The following PPEF1 variants were observed in gnomAD, a reference collection of about 807,000 sequenced individuals.
The protein encoded by PPEF1 is serine/threonine-protein phosphatase with EF-hands 1.
Under a neutral mutation model 53.3 loss-of-function variants are expected in PPEF1, and 12 were observed. The observed-to-expected ratio is 0.23, with a 90% CI of 0.14 to 0.36. PPEF1 has a LOEUF of 0.36. PPEF1 is among the 10% of genes least tolerant of loss of function. The probability of loss-of-function intolerance (pLI) is 1.00; values close to 1 mark genes in which losing one functional copy is unlikely to be tolerated. For synonymous variants in PPEF1, 165 were observed against 176.7 expected (o/e 0.93, Z 0.52); for missense variants, 334 against 490.4 (o/e 0.68, Z 3.01).
At chrX:18,799,791 A>G (rs2046513647) in intron 10 of PPEF1, among the ~76,000 whole-genome samples, 2 of 111,918 alleles carry the variant, frequency 1.8e-5, no homozygotes, top group Admixed American at 1.9e-4. Context: ...TCTTTCATGC[A>G]GTGATCACCC....
intron 1 of PPEF1, among the ~76,000 whole-genome samples, chrX:18,716,492 A>G (rs1231568973): frequency 1.0e-5 from 1 of 97,129 alleles, no homozygotes; most frequent in Non-Finnish European, 2.0e-5. Flanking sequence ...AGATCACACC[A>G]CTGCACTACA....
At chrX:18,675,165 G>A (rs897019174), upstream of PPEF1, among the ~76,000 whole-genome samples, 1 of 113,069 alleles carries the variant, frequency 8.8e-6, no homozygotes, top group Non-Finnish European at 1.9e-5. Flanking sequence ...CGCGGCCCCT[G>A]GGACCAGGGC....
At chrX:18,805,462 A>G (rs2046639319) in intron 11 of PPEF1, among the ~76,000 whole-genome samples, 3 of 112,028 alleles carry the variant, frequency 2.7e-5, no homozygotes, top group Admixed American at 1.9e-4. Flanking sequence ...GTAGTAAGAA[A>G]ATAGATAGAA....
chrX:18,702,047 A>C (rs1930159230), intron 6 of PPEF1, among the ~76,000 whole-genome samples: 1 of 111,885 alleles, frequency 8.9e-6, no homozygotes, highest in Non-Finnish European at 1.9e-5. Flanking sequence ...CCCCAGACAT[A>C]AGTAATTGCT....
chrX:18,820,424 C>A (rs868397701), intron 13 of PPEF1, among the ~76,000 whole-genome samples: 1 of 106,400 alleles, frequency 9.4e-6, no homozygotes, highest in Non-Finnish European at 1.9e-5. Flanking sequence ...CTTGCTCTGT[C>A]GCCCAGGCTG....
chrX:18,806,588 A>G, intron 12 of PPEF1, 43 bp downstream of exon 12: 2 of 1,101,476 alleles, frequency 1.8e-6, no homozygotes, highest in Non-Finnish European at 2.4e-6. Context: ...GGTATCACGG[A>G]CCCATTAGAA....
At chrX:18,682,407 G>C (rs1287685745), upstream of PPEF1, among the ~76,000 whole-genome samples, 1 of 112,124 alleles carries the variant, frequency 8.9e-6, no homozygotes, top group Non-Finnish European at 1.9e-5. Context: ...ACTTTGGCGA[G>C]TTAGGAGTCA....
chrX:18,707,107 G>C (rs2044219020), upstream of PPEF1, among the ~76,000 whole-genome samples: 2 of 110,124 alleles, frequency 1.8e-5, no homozygotes, highest in Admixed American at 9.6e-5. Flanking sequence ...GATTGCAGGC[G>C]TGAGCCACTG....
At chrX:18,819,236 A>G (rs903762509) in intron 13 of PPEF1, among the ~76,000 whole-genome samples, 26 of 112,474 alleles carry the variant, frequency 2.3e-4, no homozygotes, top group African/African-American at 8.4e-4. Flanking sequence ...GCAAATAAAT[A>G]TGTTCAAAGG....
chrX:18,770,237 T>C (rs2045846629), intron 6 of PPEF1, among the ~76,000 whole-genome samples: 1 of 111,616 alleles, frequency 9.0e-6, no homozygotes, highest in Admixed American at 9.6e-5. Context: ...CACACCCCAG[T>C]AGACTAGTTC....
chrX:18,780,492 G>A (rs890187017), intron 7 of PPEF1, among the ~76,000 whole-genome samples: 5 of 112,122 alleles, frequency 4.5e-5, no homozygotes, highest in Non-Finnish European at 9.4e-5. Flanking sequence ...ATGGTTCAAA[G>A]GAATTTGGAC....
upstream of PPEF1, among the ~76,000 whole-genome samples, chrX:18,678,523 A>G (rs145781732): frequency 0.036 from 4,067 of 111,770 alleles, 81 homozygotes; most frequent in Non-Finnish European, 0.057. Flanking sequence ...GCTCTCCTTT[A>G]TAATACAGTT....
intron 2 of PPEF1, among the ~76,000 whole-genome samples, chrX:18,733,037 C>G (rs1382719968): frequency 9.0e-6 from 1 of 111,040 alleles, no homozygotes; most frequent in Admixed American, 9.6e-5. Context: ...AACCCTGTCT[C>G]TACTAAAAAT....
chrX:18,792,476 A>G (rs961737272), intron 10 of PPEF1, among the ~76,000 whole-genome samples: 1 of 111,319 alleles, frequency 9.0e-6, no homozygotes, highest in African/African-American at 3.3e-5. Context: ...TTCATCTAAT[A>G]TATCTAATTT....
intron 6 of PPEF1, among the ~76,000 whole-genome samples, chrX:18,774,909 G>A (rs1371455138): frequency 1.8e-5 from 2 of 111,691 alleles, no homozygotes; most frequent in Non-Finnish European, 3.8e-5. Flanking sequence ...CATCAATTGT[G>A]TGTAGAAGTC....
At chrX:18,734,743 C>G (rs757606157) in intron 3 of PPEF1, among the ~76,000 whole-genome samples, 23 of 111,584 alleles carry the variant, frequency 2.1e-4, no homozygotes, top group African/African-American at 7.2e-4. Context: ...ACAGTCCCAC[C>G]AACAGTGTAA....
At chrX:18,752,400 G>A (rs759929700) in intron 4 of PPEF1, among the ~76,000 whole-genome samples, 3 of 110,896 alleles carry the variant, frequency 2.7e-5, no homozygotes, top group Non-Finnish European at 5.7e-5. Flanking sequence ...CGTGTGTGGT[G>A]TATTCTTTTG....
At chrX:18,695,015 T>C (rs1408909901) in intron 4 of PPEF1, among the ~76,000 whole-genome samples, 1 of 112,116 alleles carries the variant, frequency 8.9e-6, no homozygotes, top group African/African-American at 3.2e-5. Context: ...TCTTACAGTT[T>C]CTGTGGGGCA....
chrX:18,778,983 G>GT, intron 6 of PPEF1, 27 bp from the exon 7 acceptor site: 1 of 1,153,648 alleles, frequency 8.7e-7, no homozygotes, highest in Non-Finnish European at 1.2e-6. Flanking sequence ...TTAATTCCTT[G>GT]TTTTTTCCCT....
Sources: gnomAD v4.1 joint callset for allele counts (sites outside exome capture counted in the v4.1 genomes callset) on GRCh38, gnomAD v4.1.1 for gene constraint, MANE v1.5 for transcripts, NCBI Gene and HGNC (gene_info 2026-07-23, HGNC 2026-07-21) for gene names.